Variants in PGPEP1 observed in about 807,000 individuals in gnomAD.
PGPEP1 encodes pyroglutamyl-peptidase I, also known as pyroglutamyl-peptidase 1.
A neutral mutation model predicts 24.1 loss-of-function variants in PGPEP1; 15 were observed. The ratio of observed to expected loss-of-function variants is 0.62; its 90% CI spans 0.42 to 0.96. The LOEUF (loss-of-function observed/expected upper bound fraction) is 0.96, where lower values mean the gene tolerates loss of function less well. PGPEP1 is among the 40% of genes least tolerant of loss of function. The pLI, the probability that PGPEP1 is intolerant of heterozygous loss-of-function variation, is 0.00. For synonymous variants in PGPEP1, 122 were observed against 116.4 expected, an observed-to-expected ratio of 1.05 and a Z score of -0.31; for missense variants, 242 against 273.4, an observed-to-expected ratio of 0.89 and a Z score of 0.81.
chr19:18,351,286 AC>A (rs1321961446), intron 2 of PGPEP1, among the ~76,000 whole-genome samples: 1 of 151,726 alleles, frequency 6.6e-6, no homozygotes, highest in African/African-American at 2.4e-5. Flanking sequence ...ACAAAACTTT[AC>A]TTTTAAGTGC....
rs142534625 is a variant in PGPEP1, at chr19:18,360,293, C to T, written c.437+2678C>T. On this transcript the variant is annotated intron_variant, in intron 4 of 4. Coordinates refer to ENST00000269919, the MANE Select transcript of PGPEP1 (RefSeq NM_017712.4). Reference sequence around the variant, plus strand: ...TGCTGGGATTATAGGCAAAAGCCACCGCACACCACTGAGTTCTTTTTAAAG... The same window carrying T: ...TGCTGGGATTATAGGCAAAAGCCACTGCACACCACTGAGTTCTTTTTAAAG... Among the ~76,000 whole-genome samples the T allele has an allele frequency of 3.0e-3, 464 of 152,228 alleles. 2 individuals are homozygous for T. Among genetic ancestry groups the T allele is most frequent in the African/African-American group, 0.011 (444 of 41,546 alleles).
At chr19:18,360,800 C>A (rs35343344) in intron 4 of PGPEP1, among the ~76,000 whole-genome samples, 35,311 of 151,780 alleles carry the variant, frequency 0.23, 4,780 homozygotes, top group East Asian at 0.41. Flanking sequence ...GCTGGGATTA[C>A]AGGCATGAGC....
chr19:18,359,994 T>G (rs1971297201), intron 4 of PGPEP1, among the ~76,000 whole-genome samples: 1 of 152,188 alleles, frequency 6.6e-6, no homozygotes, highest in Non-Finnish European at 1.5e-5. Flanking sequence ...AAGGAATGCC[T>G]GGATTTACCA....
In PGPEP1 at chr19:18,342,927, A is replaced by G. The variant is rs1970716220; in HGVS notation, c.87+16A>G. On this transcript the variant is annotated intron_variant, in intron 2 of 4. Transcript: ENST00000269919. Reference sequence around the variant, plus strand: ...TGCAGTTCAGGTAACTTAGATCCGGAGGGTGGGAGTCAGGCTTGGAGCTGG... The same window carrying G: ...TGCAGTTCAGGTAACTTAGATCCGGGGGGTGGGAGTCAGGCTTGGAGCTGG... 1.9e-6 allele frequency: 3 copies of G among 1,605,476 alleles called. No homozygotes were observed. Among genetic ancestry groups the G allele is most frequent in the African/African-American group, 2.7e-5 (2 of 74,650 alleles).
At chr19:18,346,635 T>C (rs1048904388) in intron 2 of PGPEP1, among the ~76,000 whole-genome samples, 6 of 74,634 alleles carry the variant, frequency 8.0e-5, no homozygotes, top group African/African-American at 1.9e-4. Flanking sequence ...GTTTCTCTCT[T>C]TTTTTTTTTT....
chr19:18,356,692 C>G (rs1231849893), intron 3 of PGPEP1, among the ~76,000 whole-genome samples: 2 of 151,174 alleles, frequency 1.3e-5, no homozygotes, highest in Admixed American at 6.6e-5. Context: ...TGCAGTGAGC[C>G]AAGATTTTTA....
intron 4 of PGPEP1, chr19:18,361,669 A>T: frequency 1.1e-6 from 1 of 924,680 alleles, no homozygotes; most frequent in Non-Finnish European, 1.3e-6. Context: ...AAAAATTCTC[A>T]TTCCCTCTCT....
At position 18,356,124 on chromosome 19, in the gene PGPEP1, C is replaced by A. The variant is rs186047587; in HGVS notation, c.204+113C>A. 5 of 696,234 alleles carry A rather than the reference C, an allele frequency of 7.2e-6. No individual in the cohort carries two copies. The African/African-American group carries it at 8.8e-5, about 12-fold the overall frequency. 43.1% of individuals were successfully genotyped at this position (696,234 alleles called of 1,614,324 possible). A position where few individuals can be genotyped will look rare whatever the true frequency, so the allele number is the denominator to read the frequency against. On this transcript the variant is annotated intron_variant, in intron 3 of 4. Coordinates refer to ENST00000269919, the MANE Select transcript of PGPEP1 (RefSeq NM_017712.4). ...ATCAGATCACGTGACCAATGCCATACAGCCTTGTCCTCAAAAGGGCTTTTC... is the reference window on the plus strand; with the variant it reads ...ATCAGATCACGTGACCAATGCCATAAAGCCTTGTCCTCAAAAGGGCTTTTC...
At chr19:18,352,537 G>A (rs1204005545) in intron 2 of PGPEP1, among the ~76,000 whole-genome samples, 1 of 151,708 alleles carries the variant, frequency 6.6e-6, no homozygotes, top group Admixed American at 6.6e-5. Flanking sequence ...ACGGATGGTG[G>A]GGCCTTTGAA....
chr19:18,341,799 G>C (rs1272827176), intron 1 of PGPEP1, among the ~76,000 whole-genome samples: 4 of 152,184 alleles, frequency 2.6e-5, no homozygotes, highest in Admixed American at 6.6e-5. Flanking sequence ...CTGTACAGAA[G>C]GATAGAGTTA....
chr19:18,363,328 C>A, intron 4 of PGPEP1, 63 bp from the exon 5 acceptor site: 1 of 1,393,840 alleles, frequency 7.2e-7, no homozygotes, highest in Non-Finnish European at 1.0e-6. Context: ...TCACCTTGGT[C>A]TACGGATTGC....
chr19:18,361,752 A>T (rs1971353613), intron 4 of PGPEP1: 1 of 985,254 alleles, frequency 1.0e-6, no homozygotes, highest in African/African-American at 1.7e-5. Flanking sequence ...ACGTTTCCGT[A>T]CATATATACA....
At chr19:18,356,618 C>T (rs1020806029) in intron 3 of PGPEP1, among the ~76,000 whole-genome samples, 1 of 151,928 alleles carries the variant, frequency 6.6e-6, no homozygotes, top group South Asian at 2.1e-4. Flanking sequence ...ATGGTACATG[C>T]TTATAGTCCC....
At chr19:18,361,177 G>T (rs910123967) in intron 4 of PGPEP1, among the ~76,000 whole-genome samples, 1 of 149,352 alleles carries the variant, frequency 6.7e-6, no homozygotes, top group African/African-American at 2.5e-5. Context: ...CGCTCTTGTT[G>T]CCCAGGCTGG....
Position 18,364,079 on chromosome 19 carries a change from GCTGGCTTTCTTTCTTT to G in PGPEP1, c.*499_*514del, listed in dbSNP as rs1168621760. The G allele has an allele frequency of 2.3e-5, 1 of 42,896 alleles. No individual in the cohort carries two copies. The highest frequency in any genetic ancestry group is 1.3e-4 in the African/African-American group (1 of 7,562). The allele number at this position is 42,896 out of a possible 1,614,324, so 2.7% of individuals were successfully genotyped here. A position where few individuals can be genotyped will look rare whatever the true frequency, so the allele number is the denominator to read the frequency against. On this transcript the variant is annotated 3_prime_UTR_variant, in exon 5 of 5. Coordinates refer to ENST00000269919, the MANE Select transcript of PGPEP1 (RefSeq NM_017712.4). ...GGCCACCCTGGGATATGGCTGGCTG[GCTGGCTTTCTTTCTTT>G]CTTTCTTTCTTTCTTTCTTGCTTTC...
At position 18,343,507 on chromosome 19, in the gene PGPEP1, A is replaced by T. The variant is rs567920013; in HGVS notation, c.87+596A>T. 2.0e-5 allele frequency among the ~76,000 whole-genome samples: 3 copies of T among 152,212 alleles called. No individual in the cohort carries two copies. In the South Asian group the frequency reaches 6.2e-4, roughly 32 times the overall value. On this transcript the variant is annotated intron_variant, in intron 2 of 4. Transcript: ENST00000269919. ...GGAGTTCTCCGAGGTCACACAGCCA[A>T]GAAATGGGAGTGGCATTGCCTCAGA... is the stretch of plus-strand genomic sequence containing the variant.
intron 4 of PGPEP1, among the ~76,000 whole-genome samples, chr19:18,360,291 A>G (rs1361458840): frequency 1.3e-5 from 2 of 152,154 alleles, no homozygotes; most frequent in Non-Finnish European, 2.9e-5. Context: ...GGCAAAAGCC[A>G]CCGCACACCA....
In PGPEP1 at chr19:18,355,891, C is replaced by T. The variant is rs911326586; in HGVS notation, c.88-4C>T. 4 of 1,596,236 alleles carry T rather than the reference C, an allele frequency of 2.5e-6. No individual in the cohort carries two copies. Among genetic ancestry groups the T allele is most frequent in the Admixed American group, 1.7e-5 (1 of 59,928 alleles). On this transcript the variant is annotated splice_polypyrimidine_tract_variant and splice_region_variant and intron_variant, in intron 2 of 4. Coordinates refer to ENST00000269919, the MANE Select transcript of PGPEP1 (RefSeq NM_017712.4). The stretch of plus-strand genomic sequence containing the variant: ...CATGACACTCCCACTCTCCTCTCTT[C>T]CAGGAGCTAGAAAAGCTAGGCCTTG...
chr19:18,363,444 C>CAG lies in PGPEP1; in HGVS notation c.492_493dup (p.Ala165GlufsTer22). 6.2e-7 allele frequency: 1 copy of CAG among 1,613,984 alleles called. No homozygotes were observed. The highest frequency in any genetic ancestry group is 2.2e-5 in the East Asian group (1 of 44,866). On this transcript the variant is annotated frameshift_variant, in exon 5 of 5. Coordinates refer to ENST00000269919, the MANE Select transcript of PGPEP1 (RefSeq NM_017712.4). LOFTEE classifies it high-confidence loss of function. ...TCTTTGTACCAGAGTCACGGTCGAT[C>CAG]AGCCTTCGTCCACGTGCCCCCACTG...
Sources: gnomAD v4.1 joint callset for allele counts (sites outside exome capture counted in the v4.1 genomes callset) on GRCh38, gnomAD v4.1.1 for gene constraint, MANE v1.5 for transcripts, NCBI Gene and HGNC (gene_info 2026-07-23, HGNC 2026-07-21) for gene names.